Variants in FAM120B observed in about 807,000 individuals in gnomAD.
FAM120B encodes the protein constitutive coactivator of peroxisome proliferator-activated receptor gamma.
A neutral mutation model predicts 96.3 loss-of-function variants in FAM120B; 83 were observed. The observed-to-expected ratio is 0.86, with a 90% CI of 0.72 to 1.03. The LOEUF (loss-of-function observed/expected upper bound fraction) is 1.03. Ranked by LOEUF, FAM120B falls within the 50% of genes least tolerant of loss-of-function variation. The pLI is 0.00. For synonymous variants in FAM120B, 407 were observed against 402.7 expected, an observed-to-expected ratio of 1.01 and a Z score of -0.13; for missense variants, 1,027 against 1,121.2, an observed-to-expected ratio of 0.92 and a Z score of 1.20.
In FAM120B at chr6:170,406,127, T is replaced by C. The variant is rs903266674; in HGVS notation, c.*1376T>C. 6.6e-6 allele frequency: 1 copy of C among 152,222 alleles called. No individual in the cohort carries two copies. 9.4% of individuals were successfully genotyped at this position (152,222 alleles called of 1,614,324 possible). A position where few individuals can be genotyped will look rare whatever the true frequency, so the allele number is the denominator to read the frequency against. On this transcript the variant is annotated 3_prime_UTR_variant, in exon 11 of 11. Transcript: ENST00000476287. ...TGAGCTGTACCTGTGGGAAAAGGAATGGCCAGGGTATTGATGATGGAAAAG... is the reference window on the plus strand; with the variant it reads ...TGAGCTGTACCTGTGGGAAAAGGAACGGCCAGGGTATTGATGATGGAAAAG...
At chr6:170,313,773 C>T (rs1477034780) in intron 1 of FAM120B, among the ~76,000 whole-genome samples, 1 of 152,216 alleles carries the variant, frequency 6.6e-6, no homozygotes, top group Non-Finnish European at 1.5e-5. Flanking sequence ...TTACTACTTG[C>T]CTGAGTTATG....
chr6:170,357,004 A>G lies in FAM120B; in HGVS notation c.2191-1222A>G, dbSNP rs118189682. Among the ~76,000 whole-genome samples, 654 of 152,330 alleles carry G rather than the reference A, an allele frequency of 4.3e-3. 4 individuals carry two copies. The highest frequency in any genetic ancestry group is 7.5e-3 in the Non-Finnish European group (510 of 68,034). ...TCAGCACCCCCACCCTGGTGGAAGCAAATGCCGCCATCCTCCAGGGGAGCA... is the reference window on the plus strand; with the variant it reads ...TCAGCACCCCCACCCTGGTGGAAGCGAATGCCGCCATCCTCCAGGGGAGCA... On this transcript the variant is annotated intron_variant, in intron 5 of 10. Transcript: ENST00000476287.
At chr6:170,351,778 T>C (rs1787598197) in intron 5 of FAM120B, among the ~76,000 whole-genome samples, 1 of 152,204 alleles carries the variant, frequency 6.6e-6, no homozygotes, top group Non-Finnish European at 1.5e-5. Flanking sequence ...TTGCAAGAGC[T>C]CTTGAAGGAA....
chr6:170,327,258 G>A (rs549493584), intron 3 of FAM120B, among the ~76,000 whole-genome samples: 1 of 152,200 alleles, frequency 6.6e-6, no homozygotes, highest in Admixed American at 6.5e-5. Flanking sequence ...GTGTTAGCCA[G>A]GATGATCTCG....
intron 1 of FAM120B, among the ~76,000 whole-genome samples, chr6:170,298,861 G>A (rs899601833): frequency 3.9e-5 from 6 of 152,162 alleles, no homozygotes; most frequent in South Asian, 2.1e-4. Context: ...CAGGCATCTG[G>A]GCACCAAGGA....
chr6:170,317,825 A>G lies in FAM120B; in HGVS notation c.435A>G (p.Leu145=). 6.2e-7 allele frequency: 1 copy of G among 1,614,216 alleles called. No homozygotes were observed. The highest frequency in any genetic ancestry group is 8.5e-7 in the Non-Finnish European group (1 of 1,180,036). ...TAGCTGTGTTTACACGATTTGCTCTAAAGACACTGGGCCAGGAAACTTTGT... is the reference window on the plus strand; with the variant it reads ...TAGCTGTGTTTACACGATTTGCTCTGAAGACACTGGGCCAGGAAACTTTGT... ...SGLAVFTRFA[L]KTLGQETLCS... is the part of the protein sequence containing the mutation. Residue 145 remains leucine, a synonymous_variant, in exon 2 of 11, where the codon CTA becomes CTG. Transcript: ENST00000476287.
intron 9 of FAM120B, among the ~76,000 whole-genome samples, chr6:170,398,686 C>T (rs928331061): frequency 1.0e-4 from 15 of 146,386 alleles, no homozygotes; most frequent in African/African-American, 3.9e-4. Context: ...AGAACTATGT[C>T]ATAACTCTTA....
chr6:170,327,160 C>T (rs1022318778), intron 3 of FAM120B, among the ~76,000 whole-genome samples: 8 of 152,098 alleles, frequency 5.3e-5, no homozygotes, highest in Non-Finnish European at 1.0e-4. Flanking sequence ...CATTCTCCTG[C>T]CTCAGCCTCC....
At chr6:170,392,300 C>T (rs1396745694) in intron 8 of FAM120B, among the ~76,000 whole-genome samples, 1 of 152,078 alleles carries the variant, frequency 6.6e-6, no homozygotes, top group African/African-American at 2.4e-5. Flanking sequence ...CTCCGCCTCC[C>T]GAGTTCAAGC....
rs960130443 is a variant in FAM120B at position 170,323,196 on chromosome 6, C to T, written c.1852C>T (p.Gln618Ter). The T allele has an allele frequency of 6.2e-7, 1 of 1,614,036 alleles. No individual in the cohort carries two copies. Among genetic ancestry groups the T allele is most frequent in the South Asian group, 1.1e-5 (1 of 91,088 alleles). ...EDELDQALPS[Q>*]AFIYRPIRQR... ...TGAGCTTGACCAGGCCTTACCCAGC[C>T]AGGCCTTCATTTACCGTCCCATTCG... is the stretch of plus-strand genomic sequence containing the variant. The change falls in exon 3 of 11, where the codon CAG becomes TAG. Residue 618 changes from glutamine (Q) to a stop codon, truncating the protein, a stop_gained. Coordinates refer to ENST00000476287, the MANE Select transcript of FAM120B (RefSeq NM_032448.3). LOFTEE classifies it high-confidence loss of function.
intron 9 of FAM120B, among the ~76,000 whole-genome samples, chr6:170,399,695 A>C (rs1057127964): frequency 6.8e-6 from 1 of 146,210 alleles, no homozygotes; most frequent in African/African-American, 2.5e-5. Context: ...GAACTATGTC[A>C]TAACTCTTAG....
At chr6:170,322,560 G>T (rs1045212925) in intron 2 of FAM120B, among the ~76,000 whole-genome samples, 1 of 152,140 alleles carries the variant, frequency 6.6e-6, no homozygotes, top group Non-Finnish European at 1.5e-5. Context: ...CTGAATTATG[G>T]CTATTTCTAT....
Position 170,395,528 on chromosome 6 carries a change from T to C in FAM120B, c.2641T>C (p.Ser881Pro), listed in dbSNP as rs1416198632. 6.2e-7 allele frequency: 1 copy of C among 1,601,174 alleles called. No individual in the cohort carries two copies. Among genetic ancestry groups the C allele is most frequent in the Non-Finnish European group, 8.5e-7 (1 of 1,174,114 alleles). The change falls in exon 9 of 11, where the codon TCT (serine) becomes CCT (proline). Residue 881 changes from serine to proline, a missense_variant. By Grantham distance (74) the Ser-to-Pro change is moderately conservative. This residue lies in a region of FAM120B where 142 missense variants were observed against 122.5 expected (regional missense o/e 1.16). Coordinates refer to ENST00000476287, the MANE Select transcript of FAM120B (RefSeq NM_032448.3). Reference protein sequence around the residue: ...RQGSSYHRTGSGYSRSSQGQP... With the variant: ...RQGSSYHRTGPGYSRSSQGQP... The stretch of plus-strand genomic sequence containing the variant: ...GGGCTCCAGCTACCACAGGACGGGC[T>C]CTGGGTATAGCCGTTCCAGTCAGGG...
chr6:170,401,084 T>C (rs923945870), intron 9 of FAM120B, among the ~76,000 whole-genome samples: 2 of 152,198 alleles, frequency 1.3e-5, no homozygotes, highest in African/African-American at 4.8e-5. Flanking sequence ...TAAAACAGCA[T>C]AATGACTTTC....
At chr6:170,369,447 A>G (rs1464212780) in intron 6 of FAM120B, among the ~76,000 whole-genome samples, 1 of 152,178 alleles carries the variant, frequency 6.6e-6, no homozygotes, top group Non-Finnish European at 1.5e-5. Flanking sequence ...ACAGATCTTG[A>G]TACGTGTTTG....
rs191034942 is a variant in FAM120B, at chr6:170,397,456, C to T, written c.2692+1877C>T. Reference sequence around the variant, plus strand: ...GCAGAGGGGCCAGTCGGAGCTGTCACGAGGTCAGGTGGGCTAGACTTGGAG... The same window carrying T: ...GCAGAGGGGCCAGTCGGAGCTGTCATGAGGTCAGGTGGGCTAGACTTGGAG... On this transcript the variant is annotated intron_variant, in intron 9 of 10. Coordinates refer to ENST00000476287, the MANE Select transcript of FAM120B (RefSeq NM_032448.3). Among the ~76,000 whole-genome samples the T allele has an allele frequency of 3.9e-5, 6 of 152,134 alleles. No homozygotes were observed. The East Asian group carries it at 9.6e-4, about 24-fold the overall frequency.
At chr6:170,323,864 T>C (rs2115041897) in intron 3 of FAM120B, among the ~76,000 whole-genome samples, 1 of 152,280 alleles carries the variant, frequency 6.6e-6, no homozygotes, top group South Asian at 2.1e-4. Flanking sequence ...AACTCACCAT[T>C]TGGAATAGTT....
At chr6:170,349,165 C>T (rs2115145333) in intron 5 of FAM120B, among the ~76,000 whole-genome samples, 1 of 152,304 alleles carries the variant, frequency 6.6e-6, no homozygotes, top group African/African-American at 2.4e-5. Context: ...CCCTCCCTGG[C>T]TCTGTGATTT....
At chr6:170,383,614 A>T (rs1406524965) in intron 6 of FAM120B, among the ~76,000 whole-genome samples, 1 of 152,246 alleles carries the variant, frequency 6.6e-6, no homozygotes, top group African/African-American at 2.4e-5. Flanking sequence ...CACACGGATT[A>T]GAGCAGCTAA....
Sources: allele counts gnomAD v4.1 joint callset (sites outside exome capture counted in the v4.1 genomes callset), GRCh38; gene constraint gnomAD v4.1.1; regional missense constraint gnomAD v4.1.1; transcripts MANE v1.5; gene names NCBI Gene and HGNC (gene_info 2026-07-23, HGNC 2026-07-21).